Variants in COLEC12 observed in about 807,000 individuals in gnomAD.
COLEC12 encodes the protein collectin-12.
In COLEC12, 33 loss-of-function variants were observed where a neutral mutation model predicts 71.1. That is an observed-to-expected ratio of 0.46 (90% CI 0.35 to 0.62). COLEC12 has a LOEUF of 0.62. Ranked by LOEUF, COLEC12 falls within the 20% of genes least tolerant of loss-of-function variation. The pLI is 0.00. For missense variants in COLEC12, 765 were observed against 916.1 expected (o/e 0.84, Z 2.13); for synonymous variants, 350 against 353.0 (o/e 0.99, Z 0.10).
intron 1 of COLEC12, among the ~76,000 whole-genome samples, chr18:484,673 T>C (rs752239719): frequency 2.6e-5 from 4 of 152,174 alleles, no homozygotes; most frequent in Non-Finnish European, 4.4e-5. Context: ...CACCAGAGAC[T>C]GTGAGATATG....
intron 2 of COLEC12, among the ~76,000 whole-genome samples, chr18:454,137 T>C (rs1916817452): frequency 6.9e-6 from 1 of 145,830 alleles, no homozygotes; most frequent in South Asian, 2.2e-4. Flanking sequence ...ATGGGCCCCC[T>C]GGTCTCAACA....
chr18:343,767 C>T (rs1021883074), intron 5 of COLEC12, among the ~76,000 whole-genome samples: 1 of 152,208 alleles, frequency 6.6e-6, no homozygotes, highest in Non-Finnish European at 1.5e-5. Context: ...TAAACCTCAG[C>T]AAGTTACTCA....
intron 2 of COLEC12, among the ~76,000 whole-genome samples, chr18:396,436 A>G (rs1183599581): frequency 6.6e-6 from 1 of 152,218 alleles, no homozygotes; most frequent in Non-Finnish European, 1.5e-5. Flanking sequence ...GCCAGGACTT[A>G]CACAACCTAC....
chr18:476,564 G>T (rs776697292), intron 2 of COLEC12, among the ~76,000 whole-genome samples: 4 of 151,942 alleles, frequency 2.6e-5, no homozygotes, highest in Non-Finnish European at 5.9e-5. Flanking sequence ...ACCAATCAAT[G>T]AAACAAAGTC....
At chr18:383,001 A>G (rs1442825529) in intron 2 of COLEC12, among the ~76,000 whole-genome samples, 5 of 152,102 alleles carry the variant, frequency 3.3e-5, no homozygotes, top group Non-Finnish European at 5.9e-5. Flanking sequence ...TCTACAGGCA[A>G]AGAGCATGCA....
intron 2 of COLEC12, among the ~76,000 whole-genome samples, chr18:478,934 C>T (rs1917356511): frequency 6.6e-6 from 1 of 152,172 alleles, no homozygotes; most frequent in African/African-American, 2.4e-5. Context: ...GTGTGTTTTT[C>T]ACCAAATCCC....
At chr18:472,002 T>C (rs1159108839) in intron 2 of COLEC12, among the ~76,000 whole-genome samples, 1 of 152,232 alleles carries the variant, frequency 6.6e-6, no homozygotes, top group African/African-American at 2.4e-5. Flanking sequence ...TTGTGCCCAT[T>C]TGTGCTACTT....
At chr18:469,474 G>A (rs1336505703) in intron 2 of COLEC12, among the ~76,000 whole-genome samples, 1 of 152,220 alleles carries the variant, frequency 6.6e-6, no homozygotes, top group African/African-American at 2.4e-5. Flanking sequence ...ATTATGGATA[G>A]GTAGTAAACG....
chr18:455,128 A>G (rs9947737), intron 2 of COLEC12, among the ~76,000 whole-genome samples: 77,803 of 152,020 alleles, frequency 0.51, 20,951 homozygotes, highest in African/African-American at 0.67. Flanking sequence ...AAACAAGGCT[A>G]AAGATCACTG....
intron 2 of COLEC12, among the ~76,000 whole-genome samples, chr18:425,581 T>C (rs58094776): frequency 0.18 from 27,813 of 152,094 alleles, 2,837 homozygotes; most frequent in Middle Eastern, 0.24. Flanking sequence ...ATGACAGCGC[T>C]GGGGGAAGAG....
rs2143419576 is a variant in COLEC12, at chr18:327,952, A to G, written c.2063+3716T>C. Reference sequence around the variant, plus strand: ...TCTTTCTGGGAGGTTTCTGATTGCTACTTCAATCTCCTTCTTTGTTATTAG... The same window carrying G: ...TCTTTCTGGGAGGTTTCTGATTGCTGCTTCAATCTCCTTCTTTGTTATTAG... On this transcript the variant is annotated intron_variant, in intron 8 of 9. Transcript: ENST00000400256. The surrounding 1 kb of genome is among the most constrained non-coding windows in gnomAD (Gnocchi z 4.0). Among the ~76,000 whole-genome samples the G allele has an allele frequency of 6.6e-6, 1 of 151,446 alleles. No individual in the cohort carries two copies. The highest frequency in any genetic ancestry group is 2.1e-4 in the South Asian group (1 of 4,774).
intron 2 of COLEC12, among the ~76,000 whole-genome samples, chr18:412,946 G>A (rs114923084): frequency 0.031 from 4,694 of 152,240 alleles, 115 homozygotes; most frequent in African/African-American, 0.068. Flanking sequence ...TAAAAGAGCA[G>A]ACCTAAGCCC....
At chr18:376,760 T>C (rs1341500060) in intron 2 of COLEC12, among the ~76,000 whole-genome samples, 1 of 152,224 alleles carries the variant, frequency 6.6e-6, no homozygotes, top group Non-Finnish European at 1.5e-5. Flanking sequence ...GACTCTCGTC[T>C]TTCTCTGCAG....
chr18:469,359 T>C (rs780230858), intron 2 of COLEC12, among the ~76,000 whole-genome samples: 5 of 152,362 alleles, frequency 3.3e-5, no homozygotes, highest in East Asian at 3.9e-4. Flanking sequence ...ATTTTTCTTT[T>C]ATGCAAATAC....
chr18:370,990 T>C (rs966566614), intron 2 of COLEC12, among the ~76,000 whole-genome samples: 2 of 152,208 alleles, frequency 1.3e-5, no homozygotes, highest in South Asian at 4.1e-4. Flanking sequence ...CGTTCCTAAA[T>C]GAAGAATACA....
intron 1 of COLEC12, among the ~76,000 whole-genome samples, chr18:493,937 A>G (rs147246108): frequency 1.3e-5 from 2 of 152,348 alleles, no homozygotes; most frequent in African/African-American, 4.8e-5. Context: ...GATTTGAAAC[A>G]CAGATCTTTA....
At position 408,299 on chromosome 18, in the gene COLEC12, T is replaced by C. The variant is rs570774974; in HGVS notation, c.59-50777A>G. 6.6e-6 allele frequency among the ~76,000 whole-genome samples: 1 copy of C among 152,354 alleles called. No individual in the cohort carries two copies. The highest frequency in any genetic ancestry group is 1.5e-5 in the Non-Finnish European group (1 of 68,036). On this transcript the variant is annotated intron_variant, in intron 2 of 9. Transcript: ENST00000400256. The surrounding 1 kb of genome is among the most constrained non-coding windows in gnomAD (Gnocchi z 4.3). The stretch of plus-strand genomic sequence containing the variant: ...GGTCAGCACAGTGCCTGGCCCCTGA[T>C]ACCTGCAAATGTCAGTCTCTTTTTC...
intron 2 of COLEC12, among the ~76,000 whole-genome samples, chr18:470,022 T>C (rs1344781468): frequency 4.6e-5 from 7 of 152,176 alleles, no homozygotes; most frequent in African/African-American, 7.2e-5. Flanking sequence ...ATTTGGTGAA[T>C]GTGTATCAGA....
intron 1 of COLEC12, among the ~76,000 whole-genome samples, chr18:497,346 A>G (rs1339318254): frequency 6.6e-6 from 1 of 151,474 alleles, no homozygotes; most frequent in African/African-American, 2.4e-5. Flanking sequence ...TTTAACTTCT[A>G]TGGTGTCCAC....
Sources: allele counts gnomAD v4.1 joint callset (sites outside exome capture counted in the v4.1 genomes callset), GRCh38; gene constraint gnomAD v4.1.1; non-coding constraint Gnocchi (gnomAD v3.1); transcripts MANE v1.5; gene names NCBI Gene and HGNC (gene_info 2026-07-23, HGNC 2026-07-21).